The following CHCHD3 variants were observed in gnomAD, a reference collection of about 807,000 sequenced individuals.
CHCHD3 encodes MICOS complex subunit MIC19.
In CHCHD3, 20 loss-of-function variants were observed where a neutral mutation model predicts 38.2. The ratio of observed to expected loss-of-function variants is 0.52; its 90% CI spans 0.37 to 0.76. The LOEUF (loss-of-function observed/expected upper bound fraction) is 0.76, where lower values mean the gene tolerates loss of function less well. Among genes scored for constraint, CHCHD3 ranks in the 30% least tolerant of loss-of-function variants. The pLI is 0.00. For missense variants in CHCHD3, 245 were observed against 279.2 expected, an observed-to-expected ratio of 0.88 and a Z score of 0.87; for synonymous variants, 82 against 100.0, an observed-to-expected ratio of 0.82 and a Z score of 1.07.
At chr7:132,814,293 GT>G (rs1316955780) in intron 6 of CHCHD3, among the ~76,000 whole-genome samples, 1 of 152,182 alleles carries the variant, frequency 6.6e-6, no homozygotes, top group Non-Finnish European at 1.5e-5. Context: ...AGACATGCCG[GT>G]GTTACTAAAA....
chr7:132,835,438 C>G (rs780682574), intron 6 of CHCHD3, among the ~76,000 whole-genome samples: 8 of 152,296 alleles, frequency 5.3e-5, no homozygotes, highest in Non-Finnish European at 8.8e-5. Context: ...ATAGGTAAGA[C>G]AGAATGATGC....
intron 4 of CHCHD3, among the ~76,000 whole-genome samples, chr7:132,960,196 T>C (rs2117304730): frequency 6.6e-6 from 1 of 152,252 alleles, no homozygotes; most frequent in Middle Eastern, 3.4e-3. Context: ...GAGCCTGCTT[T>C]TGTTGTGTCA....
At chr7:132,893,821 C>CGGAA (rs1809428793) in intron 4 of CHCHD3, among the ~76,000 whole-genome samples, 1 of 152,150 alleles carries the variant, frequency 6.6e-6, no homozygotes, top group Non-Finnish European at 1.5e-5. Context: ...TGCCTGCTTC[C>CGGAA]CCTTTGCCTT....
chr7:132,975,976 C>T (rs150659042), intron 3 of CHCHD3, among the ~76,000 whole-genome samples: 2 of 151,114 alleles, frequency 1.3e-5, no homozygotes, highest in African/African-American at 2.4e-5. Context: ...AGGTAACCAT[C>T]GTCTCTTTCT....
At chr7:133,043,885 C>T (rs1292050322) in intron 2 of CHCHD3, among the ~76,000 whole-genome samples, 1 of 151,994 alleles carries the variant, frequency 6.6e-6, no homozygotes, top group Non-Finnish European at 1.5e-5. Context: ...TGAGACACAC[C>T]CCAATGTGCT....
intron 2 of CHCHD3, among the ~76,000 whole-genome samples, chr7:133,052,662 C>T (rs1295573768): frequency 6.6e-6 from 1 of 152,136 alleles, no homozygotes; most frequent in Non-Finnish European, 1.5e-5. Flanking sequence ...CACAGACACA[C>T]ATTTGTATGT....
chr7:132,824,889 C>T (rs564251359), intron 6 of CHCHD3, among the ~76,000 whole-genome samples: 7 of 152,296 alleles, frequency 4.6e-5, no homozygotes, highest in South Asian at 2.1e-4. Flanking sequence ...CCTGGGATTC[C>T]GAACCTCCTA....
chr7:132,802,649 T>C (rs569676809), intron 6 of CHCHD3, among the ~76,000 whole-genome samples: 1 of 152,314 alleles, frequency 6.6e-6, no homozygotes, highest in East Asian at 1.9e-4. Flanking sequence ...TCTTGACTTA[T>C]ATTTGGGCTA....
rs71178073 is a variant in CHCHD3 at position 132,997,659 on chromosome 7, T to TAAAAAAAA, written c.252-22381_252-22374dup. On this transcript the variant is annotated intron_variant, in intron 3 of 7. Transcript: ENST00000262570. The stretch of plus-strand genomic sequence containing the variant: ...CTTCTCACTGTAACTAACAGGGTTG[T>TAAAAAAAA]AAAAAAAAAAAAAAAAAAAAAAAAA... Among the ~76,000 whole-genome samples, 76 of 81,758 alleles carry TAAAAAAAA rather than the reference T, an allele frequency of 9.3e-4. 3 individuals are homozygous for TAAAAAAAA. The highest frequency in any genetic ancestry group is 3.4e-3 in the African/African-American group (71 of 20,882). The allele number at this position is 81,758 out of a possible 152,430, so 53.6% of individuals were successfully genotyped here. A position where few individuals can be genotyped will look rare whatever the true frequency, so the allele number is the denominator to read the frequency against.
At chr7:132,914,521 T>C (rs560455827) in intron 4 of CHCHD3, among the ~76,000 whole-genome samples, 124 of 152,302 alleles carry the variant, frequency 8.1e-4, no homozygotes, top group African/African-American at 2.8e-3. Flanking sequence ...TTCCACAGAA[T>C]GAGGATAATA....
chr7:132,803,606 C>T (rs1277096627), intron 6 of CHCHD3, among the ~76,000 whole-genome samples: 3 of 151,886 alleles, frequency 2.0e-5, no homozygotes. Context: ...CAAAATTGGT[C>T]TTAGGATTAA....
rs150405453 is a variant in CHCHD3, at chr7:132,824,468, G to A, written c.524+13931C>T. On this transcript the variant is annotated intron_variant, in intron 6 of 7. Transcript: ENST00000262570. ...CCAGTAGCTGGGACAACAGGTGCCC[G>A]CCACCACGCCAGGCTAATTTTCTGT... 9.9e-5 allele frequency among the ~76,000 whole-genome samples: 15 copies of A among 151,928 alleles called. No individual in the cohort carries two copies. The East Asian group carries it at 2.5e-3, about 26-fold the overall frequency.
At chr7:132,833,979 A>C (rs1352352496) in intron 6 of CHCHD3, among the ~76,000 whole-genome samples, 1 of 152,134 alleles carries the variant, frequency 6.6e-6, no homozygotes, top group African/African-American at 2.4e-5. Flanking sequence ...CAATTAACTA[A>C]ATTCTCCTCA....
chr7:132,853,579 G>A (rs993257065), intron 5 of CHCHD3, among the ~76,000 whole-genome samples: 8 of 152,066 alleles, frequency 5.3e-5, no homozygotes, highest in Non-Finnish European at 8.8e-5. Flanking sequence ...CTGAGATCGC[G>A]CCACTGCACT....
chr7:132,872,573 T>C (rs550682526), intron 5 of CHCHD3, among the ~76,000 whole-genome samples: 88 of 152,208 alleles, frequency 5.8e-4, no homozygotes, highest in Non-Finnish European at 9.8e-4. Flanking sequence ...ACCTTTCCTA[T>C]CAATTTAGCC....
intron 2 of CHCHD3, among the ~76,000 whole-genome samples, chr7:133,043,787 TATTTGCAAATGCAAATAAA>T (rs1813900743): frequency 6.6e-6 from 1 of 152,234 alleles, no homozygotes; most frequent in Admixed American, 6.5e-5. Context: ...TTCAGGGTAC[TATTTGCAAATGCAAATAAA>T]ATTGGGGGAG....
At chr7:133,051,506 A>G (rs1814162534) in intron 2 of CHCHD3, among the ~76,000 whole-genome samples, 1 of 152,204 alleles carries the variant, frequency 6.6e-6, no homozygotes, top group Non-Finnish European at 1.5e-5. Flanking sequence ...TATTCTAAGC[A>G]TCATATCCAA....
At chr7:132,796,329 A>T in intron 7 of CHCHD3, 113 bp downstream of exon 7, 1 of 1,153,446 alleles carries the variant, frequency 8.7e-7, no homozygotes, top group Non-Finnish European at 1.2e-6. Flanking sequence ...GATGATGACT[A>T]GGGCTTAGAA....
At chr7:132,942,876 T>G (rs1810802542) in intron 4 of CHCHD3, among the ~76,000 whole-genome samples, 1 of 152,202 alleles carries the variant, frequency 6.6e-6, no homozygotes, top group Non-Finnish European at 1.5e-5. Flanking sequence ...ACATCCCATG[T>G]GCAGCCTACC....
Sources: allele counts gnomAD v4.1 joint callset (sites outside exome capture counted in the v4.1 genomes callset), GRCh38; gene constraint gnomAD v4.1.1; transcripts MANE v1.5; gene names NCBI Gene and HGNC (gene_info 2026-07-23, HGNC 2026-07-21).